FAM3D: variants seen among roughly 807,000 people sequenced by gnomAD.
FAM3D encodes protein FAM3D.
Under a neutral mutation model 29.8 loss-of-function variants are expected in FAM3D, and 26 were observed. The observed-to-expected ratio is 0.87, with a 90% CI of 0.64 to 1.21. FAM3D has a LOEUF of 1.21. Ranked by LOEUF, FAM3D falls within the 50% of genes most tolerant of loss-of-function variation. The pLI is 0.00. For missense variants in FAM3D, 253 were observed against 290.9 expected (o/e 0.87, Z 0.95); for synonymous variants, 115 against 102.3 (o/e 1.12, Z -0.75).
At chr3:58,643,390 G>A (rs1338309430) in intron 6 of FAM3D, among the ~76,000 whole-genome samples, 5 of 152,206 alleles carry the variant, frequency 3.3e-5, no homozygotes, top group African/African-American at 4.8e-5. Flanking sequence ...TTTGAGGATC[G>A]GGTCATGTTT....
At chr3:58,660,383 C>T (rs2066908271) in intron 1 of FAM3D, among the ~76,000 whole-genome samples, 1 of 152,184 alleles carries the variant, frequency 6.6e-6, no homozygotes, top group African/African-American at 2.4e-5. Context: ...GTGACCCAGG[C>T]CTGTGTGAAG....
chr3:58,649,916 G>C (rs1331784091), intron 3 of FAM3D, among the ~76,000 whole-genome samples: 1 of 152,228 alleles, frequency 6.6e-6, no homozygotes. Flanking sequence ...GACCCAGTGA[G>C]ATCACTGTGT....
Position 58,634,412 on chromosome 3 carries a change from T to C in FAM3D, c.586-44A>G. 1 of 1,558,472 alleles carries C rather than the reference T, an allele frequency of 6.4e-7. No individual in the cohort carries two copies. Among genetic ancestry groups the C allele is most frequent in the Non-Finnish European group, 8.8e-7 (1 of 1,133,514 alleles). Reference sequence around the variant, plus strand: ...GAGAAATATAGGCAGTGAGTGAGGCTGTTCAGAACTCATGCCCACATGGAC... The same window carrying C: ...GAGAAATATAGGCAGTGAGTGAGGCCGTTCAGAACTCATGCCCACATGGAC... On this transcript the variant is annotated intron_variant, in intron 9 of 9. Transcript: ENST00000358781. This position sits in a 1 kb window ranked among gnomAD's most constrained non-coding sequence, Gnocchi z 4.6.
chr3:58,654,572 G>A (rs376169471), intron 2 of FAM3D, among the ~76,000 whole-genome samples: 107 of 152,266 alleles, frequency 7.0e-4, no homozygotes, highest in Admixed American at 1.2e-3. Flanking sequence ...TACAGGGACC[G>A]GAAAGCAGGC....
Position 58,649,299 on chromosome 3 carries a change from C to A in FAM3D, c.145+16G>T, listed in dbSNP as rs749544643. The stretch of plus-strand genomic sequence containing the variant: ...GGATGAGGTCGGGGGAGGTGTGGGG[C>A]TGCACAGATACTCACGGATCTCCTT... On this transcript the variant is annotated intron_variant, in intron 4 of 9. Coordinates refer to ENST00000358781, the MANE Select transcript of FAM3D (RefSeq NM_138805.3). The A allele has an allele frequency of 2.5e-6, 4 of 1,612,952 alleles. No individual in the cohort carries two copies. The highest frequency in any genetic ancestry group is 3.4e-6 in the Non-Finnish European group (4 of 1,179,398).
At chr3:58,656,490 G>A (rs2066804679) in intron 1 of FAM3D, among the ~76,000 whole-genome samples, 1 of 151,630 alleles carries the variant, frequency 6.6e-6, no homozygotes, top group Non-Finnish European at 1.5e-5. Flanking sequence ...AGCAGGGCAG[G>A]GTCATCTTTC....
At chr3:58,643,073 C>T (rs946397115) in intron 6 of FAM3D, among the ~76,000 whole-genome samples, 1 of 152,232 alleles carries the variant, frequency 6.6e-6, no homozygotes, top group African/African-American at 2.4e-5. Flanking sequence ...CCTGAACCAC[C>T]CGGGGTCTGT....
chr3:58,658,081 C>G (rs1183423522), intron 1 of FAM3D, among the ~76,000 whole-genome samples: 1 of 152,142 alleles, frequency 6.6e-6, no homozygotes, highest in African/African-American at 2.4e-5. Flanking sequence ...TCACTGCAAG[C>G]CACCCCGTTC....
intron 1 of FAM3D, among the ~76,000 whole-genome samples, chr3:58,658,936 T>TG (rs1347246576): frequency 6.6e-6 from 1 of 152,196 alleles, no homozygotes; most frequent in Non-Finnish European, 1.5e-5. Context: ...GCAGAGCAGC[T>TG]GGGGCAATGC....
intron 2 of FAM3D, among the ~76,000 whole-genome samples, chr3:58,654,767 C>T (rs72877742): frequency 8.5e-4 from 129 of 151,994 alleles, no homozygotes; most frequent in African/African-American, 3.0e-3. Flanking sequence ...GGGGAGAAGG[C>T]CCGCCGGGTC....
At position 58,661,308 on chromosome 3, in the gene FAM3D, C is replaced by T. The variant is rs556018738; in HGVS notation, c.-39+5268G>A. Among the ~76,000 whole-genome samples, 182 of 152,232 alleles carry T rather than the reference C, an allele frequency of 1.2e-3. 8 individuals carry two copies. The South Asian group carries it at 0.037, about 31-fold the overall frequency. ...CAAGGTGAGGGAGAAGGGAGCCTCC[C>T]ATGGGATAAGAGTGAGTTTCTAAGA... On this transcript the variant is annotated intron_variant, in intron 1 of 9. Coordinates refer to ENST00000358781, the MANE Select transcript of FAM3D (RefSeq NM_138805.3).
Position 58,634,155 on chromosome 3 carries a change from A to G in FAM3D, c.*124T>C. 1.3e-6 allele frequency: 1 copy of G among 797,176 alleles called. No homozygotes were observed. Among genetic ancestry groups the G allele is most frequent in the Non-Finnish European group, 2.0e-6 (1 of 493,338 alleles). 49.4% of individuals were successfully genotyped at this position (797,176 alleles called of 1,614,324 possible). On this transcript the variant is annotated 3_prime_UTR_variant, in exon 10 of 10. Coordinates refer to ENST00000358781, the MANE Select transcript of FAM3D (RefSeq NM_138805.3). The surrounding 1 kb of genome is among the most constrained non-coding windows in gnomAD (Gnocchi z 4.6). ...GGAGGAGAGGCGCGACACAGCGTGC[A>G]AGGACCTGCAGCACCTTCCACGCAG...
chr3:58,636,493 G>A, intron 8 of FAM3D, 73 bp from the exon 9 acceptor site: 1 of 1,579,116 alleles, frequency 6.3e-7, no homozygotes, highest in Non-Finnish European at 8.6e-7. Context: ...GGATTCCCAT[G>A]GGGCAAGGTT....
intron 1 of FAM3D, among the ~76,000 whole-genome samples, chr3:58,663,918 G>C (rs529520883): frequency 4.1e-4 from 63 of 152,262 alleles, no homozygotes; most frequent in African/African-American, 1.4e-3. Context: ...ACCTGTCCTC[G>C]CCAGAGGAAT....
intron 2 of FAM3D, 44 bp from the exon 3 acceptor site, chr3:58,653,825 C>A (rs777070117): frequency 1.3e-6 from 2 of 1,492,274 alleles, no homozygotes; most frequent in African/African-American, 2.8e-5. Flanking sequence ...AGAGCCAAGA[C>A]CACATTGCAA....
chr3:58,636,830 T>C (rs561176421), intron 8 of FAM3D, among the ~76,000 whole-genome samples: 1 of 152,246 alleles, frequency 6.6e-6, no homozygotes, highest in Admixed American at 6.5e-5. Context: ...TTAAATACTT[T>C]CCGCACCATC....
At chr3:58,666,547 T>C (rs1346668719) in intron 1 of FAM3D, 29 bp downstream of exon 1, 1 of 152,164 alleles carries the variant, frequency 6.6e-6, no homozygotes, top group African/African-American at 2.4e-5. Context: ...CCTGGAACCA[T>C]AGCCCTTTCC....
chr3:58,637,878 G>GATTATTATTAAT (rs2066218534), intron 7 of FAM3D, among the ~76,000 whole-genome samples: 2 of 148,682 alleles, frequency 1.3e-5, no homozygotes, highest in Non-Finnish European at 3.0e-5. Flanking sequence ...TTTCCCTTGT[G>GATTATTATTAAT]ATTATTATTA....
chr3:58,635,646 G>A lies in FAM3D; in HGVS notation c.585+648C>T, dbSNP rs181452976. Among the ~76,000 whole-genome samples the A allele has an allele frequency of 2.0e-5, 3 of 152,304 alleles. No individual in the cohort carries two copies. Among genetic ancestry groups the A allele is most frequent in the South Asian group, 2.1e-4 (1 of 4,816 alleles). On this transcript the variant is annotated intron_variant, in intron 9 of 9. Transcript: ENST00000358781. The surrounding 1 kb of genome is among the most constrained non-coding windows in gnomAD (Gnocchi z 5.2). ...TCGGGAACCACACCCGGCCGCCCCC[G>A]CCCACCGGCCTCCTGCGTTCTTCAC...
Sources: gnomAD v4.1 joint callset for allele counts (sites outside exome capture counted in the v4.1 genomes callset) on GRCh38, gnomAD v4.1.1 for gene constraint, Gnocchi (gnomAD v3.1) non-coding constraint, MANE v1.5 for transcripts, NCBI Gene and HGNC (gene_info 2026-07-23, HGNC 2026-07-21) for gene names.